Variants in MCC observed in about 807,000 individuals in gnomAD.
The protein encoded by MCC is colorectal mutant cancer protein.
A neutral mutation model predicts 116.2 loss-of-function variants in MCC; 90 were observed. The observed-to-expected ratio is 0.77, with a 90% CI of 0.65 to 0.92. MCC has a LOEUF of 0.92. Among genes scored for constraint, MCC ranks in the 40% least tolerant of loss-of-function variants. The pLI, the probability that MCC is intolerant of heterozygous loss-of-function variation, is 0.00. For missense variants in MCC, 1,516 were observed against 1,312.2 expected (o/e 1.16, Z -2.40); for synonymous variants, 578 against 510.5 (o/e 1.13, Z -1.78).
At chr5:113,071,353 T>C (rs1187259466) in intron 11 of MCC, 119 bp from the exon 12 acceptor site, 2 of 966,066 alleles carry the variant, frequency 2.1e-6, no homozygotes, top group Non-Finnish European at 3.1e-6. Flanking sequence ...GTCAGATTAG[T>C]AGCTGACACA....
rs112929043 is a variant in MCC, at chr5:113,272,557, T to G, written c.627+67962A>C. Among the ~76,000 whole-genome samples, 175 of 152,322 alleles carry G rather than the reference T, an allele frequency of 1.1e-3. 2 individuals are homozygous for G. Among genetic ancestry groups the G allele is most frequent in the African/African-American group, 4.0e-3 (168 of 41,566 alleles). On this transcript the variant is annotated intron_variant, in intron 3 of 18. Transcript: ENST00000408903. ...AGAAAATTCTTTTAATGATAAAATA[T>G]CATTATTTCTTTCTCAGTAATTTCT...
chr5:113,356,112 G>A (rs1402445371), intron 2 of MCC, among the ~76,000 whole-genome samples: 1 of 148,038 alleles, frequency 6.8e-6, no homozygotes, highest in Non-Finnish European at 1.5e-5. Context: ...ACCCAGGCTA[G>A]AATGCAGTGG....
At chr5:113,384,597 A>C (rs551075718) in intron 2 of MCC, among the ~76,000 whole-genome samples, 151 of 152,100 alleles carry the variant, frequency 9.9e-4, no homozygotes, top group Non-Finnish European at 1.8e-3. Flanking sequence ...CCCGCCCCCC[A>C]AAAAAATTGC....
intron 5 of MCC, among the ~76,000 whole-genome samples, chr5:113,125,990 TAA>T (rs1435715433): frequency 1.3e-5 from 2 of 152,306 alleles, no homozygotes; most frequent in Non-Finnish European, 2.9e-5. Flanking sequence ...GCACCTCTGA[TAA>T]ACTGATAAAT....
chr5:113,337,639 A>C (rs1767901016), intron 3 of MCC, among the ~76,000 whole-genome samples: 1 of 152,194 alleles, frequency 6.6e-6, no homozygotes, highest in African/African-American at 2.4e-5. Flanking sequence ...CATTTATATT[A>C]AACTTTCCCT....
intron 3 of MCC, among the ~76,000 whole-genome samples, chr5:113,326,862 A>G (rs1339821677): frequency 2.6e-5 from 4 of 152,222 alleles, no homozygotes; most frequent in Admixed American, 6.5e-5. Flanking sequence ...GATTCTGTCA[A>G]TAAGGTCTTT....
At chr5:113,232,138 G>A (rs375143183) in intron 3 of MCC, among the ~76,000 whole-genome samples, 4 of 152,086 alleles carry the variant, frequency 2.6e-5, no homozygotes, top group Non-Finnish European at 5.9e-5. Context: ...AAAATAAAAT[G>A]TATCACTTTT....
intron 3 of MCC, among the ~76,000 whole-genome samples, chr5:113,308,847 G>C (rs1260478315): frequency 6.6e-6 from 1 of 151,260 alleles, no homozygotes; most frequent in Non-Finnish European, 1.5e-5. Flanking sequence ...CAGAAAAAAA[G>C]AGAGAAAGAT....
chr5:113,397,289 C>T (rs555363107), intron 1 of MCC, among the ~76,000 whole-genome samples: 1 of 152,244 alleles, frequency 6.6e-6, no homozygotes, highest in African/African-American at 2.4e-5. Context: ...AATTAACATC[C>T]TACACTGGCA....
At chr5:113,196,511 T>G (rs1405253865) in intron 3 of MCC, among the ~76,000 whole-genome samples, 1 of 152,206 alleles carries the variant, frequency 6.6e-6, no homozygotes, top group Non-Finnish European at 1.5e-5. Flanking sequence ...TAGGGATTTT[T>G]AAGTGAAATA....
At chr5:113,153,478 G>A (rs762436196) in intron 3 of MCC, among the ~76,000 whole-genome samples, 1 of 152,188 alleles carries the variant, frequency 6.6e-6, no homozygotes, top group Non-Finnish European at 1.5e-5. Flanking sequence ...CGGGCTTAGA[G>A]TGATAATACC....
chr5:113,307,424 T>C (rs1204592635), intron 3 of MCC, among the ~76,000 whole-genome samples: 1 of 152,182 alleles, frequency 6.6e-6, no homozygotes, highest in Admixed American at 6.5e-5. Flanking sequence ...AAATGAAATG[T>C]TTTTCTTAAT....
At chr5:113,127,833 G>A (rs1758161602) in intron 5 of MCC, among the ~76,000 whole-genome samples, 1 of 152,150 alleles carries the variant, frequency 6.6e-6, no homozygotes. Context: ...CTATGCAGAA[G>A]CTCTTAAGCT....
chr5:113,153,112 C>T (rs1759976320), intron 3 of MCC, among the ~76,000 whole-genome samples: 2 of 152,168 alleles, frequency 1.3e-5, no homozygotes, highest in Admixed American at 1.3e-4. Flanking sequence ...GACACTGTGG[C>T]ATGTTACGCT....
At chr5:113,104,158 T>C in intron 7 of MCC, 34 bp downstream of exon 7, 1 of 1,558,216 alleles carries the variant, frequency 6.4e-7, no homozygotes, top group South Asian at 1.2e-5. Flanking sequence ...TTTCAGAACC[T>C]CAAAGGGCCT....
At chr5:113,196,100 G>A (rs1762391376) in intron 3 of MCC, among the ~76,000 whole-genome samples, 1 of 152,204 alleles carries the variant, frequency 6.6e-6, no homozygotes, top group Non-Finnish European at 1.5e-5. Context: ...TTGGCACATA[G>A]TGTCTTTCAC....
At chr5:113,114,429 G>A (rs994743596) in intron 6 of MCC, among the ~76,000 whole-genome samples, 6 of 152,276 alleles carry the variant, frequency 3.9e-5, no homozygotes, top group African/African-American at 1.2e-4. Flanking sequence ...AAGTTGACAG[G>A]GACAGGAGGC....
chr5:113,224,406 T>C (rs557086045), intron 3 of MCC, among the ~76,000 whole-genome samples: 1 of 152,210 alleles, frequency 6.6e-6, no homozygotes, highest in Non-Finnish European at 1.5e-5. Flanking sequence ...TATTGTTATA[T>C]AGTTTTTATA....
intron 1 of MCC, among the ~76,000 whole-genome samples, chr5:113,481,057 G>A (rs990835271): frequency 2.6e-5 from 4 of 152,166 alleles, no homozygotes; most frequent in African/African-American, 7.2e-5. Context: ...GATTACAGGC[G>A]TGAGCCATTG....
Sources: gnomAD v4.1 joint callset for allele counts (sites outside exome capture counted in the v4.1 genomes callset) on GRCh38, gnomAD v4.1.1 for gene constraint, MANE v1.5 for transcripts, NCBI Gene and HGNC (gene_info 2026-07-23, HGNC 2026-07-21) for gene names.